C1orf146: variants seen among roughly 807,000 people sequenced by gnomAD.
The protein encoded by C1orf146 is chromosome 1 open reading frame 146.
A neutral mutation model predicts 23.0 loss-of-function variants in C1orf146; 22 were observed. That is an observed-to-expected ratio of 0.96 (90% CI 0.68 to 1.36). C1orf146 has a LOEUF of 1.36. Ranked by LOEUF, C1orf146 falls within the 40% of genes most tolerant of loss-of-function variation. The pLI is 0.00. For missense variants in C1orf146, 199 were observed against 206.8 expected (o/e 0.96, Z 0.23); for synonymous variants, 59 against 65.3 (o/e 0.90, Z 0.47).
At chr1:92,235,869 CTTCT>C (rs1161518788) in intron 2 of C1orf146, among the ~76,000 whole-genome samples, 1 of 152,024 alleles carries the variant, frequency 6.6e-6, no homozygotes, top group African/African-American at 2.4e-5. Context: ...ATGTAATGGC[CTTCT>C]TTGTCTCTTT....
At chr1:92,223,959 A>AT (rs1255356879) in intron 1 of C1orf146, among the ~76,000 whole-genome samples, 2 of 151,194 alleles carry the variant, frequency 1.3e-5, no homozygotes, top group Non-Finnish European at 3.0e-5. Context: ...CTTTTTAAAC[A>AT]TTTTTATAAA....
intron 1 of C1orf146, among the ~76,000 whole-genome samples, chr1:92,231,042 C>T (rs1235227625): frequency 1.3e-5 from 2 of 152,176 alleles, no homozygotes; most frequent in African/African-American, 4.8e-5. Context: ...TGTCCTTTGT[C>T]TCTGAGTCTG....
At chr1:92,229,368 G>A (rs975893090) in intron 1 of C1orf146, 32 of 544,156 alleles carry the variant, frequency 5.9e-5, no homozygotes, top group African/African-American at 3.4e-4. Context: ...CAGCACCTCC[G>A]GACACCGGAA....
chr1:92,228,978 A>G, intron 1 of C1orf146: 1 of 453,870 alleles, frequency 2.2e-6, no homozygotes. Context: ...GAATTAACCC[A>G]TGCAGCAAAA....
At chr1:92,223,924 G>C (rs1651898990) in intron 1 of C1orf146, among the ~76,000 whole-genome samples, 1 of 151,968 alleles carries the variant, frequency 6.6e-6, no homozygotes, top group African/African-American at 2.4e-5. Flanking sequence ...TCTCTAGCTT[G>C]TCTTTTTATT....
intron 1 of C1orf146, among the ~76,000 whole-genome samples, chr1:92,223,313 A>G (rs892958124): frequency 6.6e-6 from 1 of 152,236 alleles, no homozygotes; most frequent in African/African-American, 2.4e-5. Context: ...CATCCTCACC[A>G]ACACTTGATA....
chr1:92,236,965 C>T (rs1391576993), intron 2 of C1orf146, among the ~76,000 whole-genome samples: 4 of 152,202 alleles, frequency 2.6e-5, no homozygotes, highest in African/African-American at 9.6e-5. Flanking sequence ...TCCATCAGCT[C>T]CTTTAAGCAC....
intron 1 of C1orf146, among the ~76,000 whole-genome samples, chr1:92,229,986 C>G (rs753428228): frequency 1.3e-5 from 2 of 152,244 alleles, no homozygotes; most frequent in South Asian, 2.1e-4. Context: ...TCACCTCATA[C>G]GTATACTATA....
chr1:92,243,830 G>A (rs1479541747), intron 3 of C1orf146, among the ~76,000 whole-genome samples: 1 of 151,958 alleles, frequency 6.6e-6, no homozygotes, highest in African/African-American at 2.4e-5. Flanking sequence ...ATCCTTTGTA[G>A]TGTCCTTTAT....
intron 4 of C1orf146, 99 bp from the exon 5 acceptor site, chr1:92,244,680 C>T (rs981108785): frequency 1.3e-6 from 1 of 798,674 alleles, no homozygotes; most frequent in African/African-American, 1.7e-5. Flanking sequence ...AATGCATAGA[C>T]AAATAACAAA....
chr1:92,237,559 C>G (rs1652326596), intron 2 of C1orf146, among the ~76,000 whole-genome samples: 1 of 152,148 alleles, frequency 6.6e-6, no homozygotes, highest in African/African-American at 2.4e-5. Context: ...GGTCAGGGAT[C>G]CACTTGAGGA....
At chr1:92,225,860 A>G (rs905234025) in intron 1 of C1orf146, among the ~76,000 whole-genome samples, 15 of 152,060 alleles carry the variant, frequency 9.9e-5, no homozygotes, top group African/African-American at 3.4e-4. Flanking sequence ...TACTGTTTGC[A>G]TGATATATCT....
chr1:92,222,610 G>A (rs1431856512), intron 1 of C1orf146, among the ~76,000 whole-genome samples: 9 of 129,334 alleles, frequency 7.0e-5, no homozygotes, highest in Non-Finnish European at 9.5e-5. Flanking sequence ...TTTTTGAGAC[G>A]GAGTCTTGCT....
At chr1:92,241,047 G>A in intron 2 of C1orf146, 1 of 357,262 alleles carries the variant, frequency 2.8e-6, no homozygotes, top group Admixed American at 3.6e-5. Context: ...GTAAACTGAT[G>A]AATTGTCAAA....
chr1:92,229,095 A>G (rs1204894268), intron 1 of C1orf146: 8 of 496,768 alleles, frequency 1.6e-5, no homozygotes, highest in Admixed American at 1.2e-4. Flanking sequence ...GAAGGTGGAC[A>G]GTGAGGTCAG....
chr1:92,232,116 TTTA>T (rs1652138823), intron 2 of C1orf146, among the ~76,000 whole-genome samples: 2 of 150,950 alleles, frequency 1.3e-5, no homozygotes, highest in South Asian at 2.1e-4. Context: ...TATATATATT[TTTA>T]TTATTATACT....
At chr1:92,227,547 T>A (rs1190583676) in intron 1 of C1orf146, among the ~76,000 whole-genome samples, 2 of 151,976 alleles carry the variant, frequency 1.3e-5, no homozygotes, top group Non-Finnish European at 2.9e-5. Context: ...TCAAAAAAAA[T>A]AAAAATAAAA....
At chr1:92,222,083 C>CA (rs952701227) in intron 1 of C1orf146, among the ~76,000 whole-genome samples, 4 of 151,844 alleles carry the variant, frequency 2.6e-5, no homozygotes, top group South Asian at 2.1e-4. Context: ...ACTAAAAATA[C>CA]AAAAAAAATC....
chr1:92,227,759 TC>T (rs1317581196), intron 1 of C1orf146, among the ~76,000 whole-genome samples: 5 of 152,200 alleles, frequency 3.3e-5, no homozygotes, highest in Non-Finnish European at 5.9e-5. Flanking sequence ...CTACCATGTT[TC>T]TATTGAGAAG....
Sources: allele counts gnomAD v4.1 joint callset (sites outside exome capture counted in the v4.1 genomes callset), GRCh38; gene constraint gnomAD v4.1.1; transcripts MANE v1.5; gene names NCBI Gene and HGNC (gene_info 2026-07-23, HGNC 2026-07-21).